PIEZO2: variants seen among roughly 807,000 people sequenced by gnomAD.
The protein encoded by PIEZO2 is piezo-type mechanosensitive ion channel component 2.
In PIEZO2, 172 loss-of-function variants were observed where a neutral mutation model predicts 337.3. That is an observed-to-expected ratio of 0.51 (90% confidence interval 0.45 to 0.58). PIEZO2 has a LOEUF of 0.58. Among genes scored for constraint, PIEZO2 ranks in the 20% least tolerant of loss-of-function variants. PIEZO2 has a pLI of 0.00. For synonymous variants in PIEZO2, 1,251 were observed against 1,228.5 expected, an observed-to-expected ratio of 1.02 and a Z score of -0.38; for missense variants, 3,028 against 3,391.3, an observed-to-expected ratio of 0.89 and a Z score of 2.66.
Position 10,888,098 on chromosome 18 carries a change from G to C in PIEZO2, c.330-16683C>G, listed in dbSNP as rs939589529. Reference sequence around the variant, plus strand: ...GCCTGTATTAACTGTCATGATGGCTGCCTAATGGTGGTCATTGATGCCCCT... The same window carrying C: ...GCCTGTATTAACTGTCATGATGGCTCCCTAATGGTGGTCATTGATGCCCCT... On this transcript the variant is annotated intron_variant, in intron 4 of 55. Transcript: ENST00000674853. The surrounding 1 kb of genome is among the most constrained non-coding windows in gnomAD (Gnocchi z 4.1). 8.5e-5 allele frequency among the ~76,000 whole-genome samples: 13 copies of C among 152,208 alleles called. No homozygotes were observed. The highest frequency in any genetic ancestry group is 1.6e-4 in the Non-Finnish European group (11 of 68,048).
In PIEZO2 at chr18:10,704,668, A is replaced by G; in HGVS notation, c.6000-16T>C. 1 of 1,530,888 alleles carries G rather than the reference A, an allele frequency of 6.5e-7. No homozygotes were observed. Among genetic ancestry groups the G allele is most frequent in the South Asian group, 1.2e-5 (1 of 83,764 alleles). The allele number at this position is 1,530,888 out of a possible 1,614,324, so 94.8% of individuals were successfully genotyped here. A position where few individuals can be genotyped will look rare whatever the true frequency, so the allele number is the denominator to read the frequency against. On this transcript the variant is annotated splice_polypyrimidine_tract_variant and intron_variant, in intron 41 of 55. Transcript: ENST00000674853. ...GTGAAACATCCTGTTAAAGCAAACC[A>G]CATGATAATATGTCTATTTTTTTTC...
Position 10,781,008 on chromosome 18 carries a change from T to C in PIEZO2, c.2493-642A>G, listed in dbSNP as rs958328150. The stretch of plus-strand genomic sequence containing the variant: ...TAAAATATAATTTAAAAAATTAATT[T>C]TTGCTGCTACCCCAGAATTAAAAAA... On this transcript the variant is annotated intron_variant, in intron 17 of 55. Transcript: ENST00000674853. The surrounding 1 kb of genome is among the most constrained non-coding windows in gnomAD (Gnocchi z 4.1). Among the ~76,000 whole-genome samples, 1 of 151,564 alleles carries C rather than the reference T, an allele frequency of 6.6e-6. No individual in the cohort carries two copies. Among genetic ancestry groups the C allele is most frequent in the Non-Finnish European group, 1.5e-5 (1 of 67,944 alleles).
chr18:10,958,764 C>T (rs1008521220), intron 3 of PIEZO2, among the ~76,000 whole-genome samples: 5 of 152,130 alleles, frequency 3.3e-5, no homozygotes, highest in Non-Finnish European at 5.9e-5. Flanking sequence ...TCATGTACTT[C>T]GGGCAACCCA....
intron 17 of PIEZO2, among the ~76,000 whole-genome samples, chr18:10,780,669 C>CTTTTT (rs11392739): frequency 1.5e-5 from 2 of 131,360 alleles, no homozygotes; most frequent in Admixed American, 8.2e-5. Flanking sequence ...TTTAAGGTAC[C>CTTTTT]TTTTTTTTTT....
intron 4 of PIEZO2, among the ~76,000 whole-genome samples, chr18:10,905,214 T>G (rs935978679): frequency 2.0e-5 from 3 of 152,156 alleles, no homozygotes; most frequent in African/African-American, 7.2e-5. Context: ...AAATCTAACA[T>G]AAGAACAGGG....
At chr18:11,073,369 G>GT (rs2038414358) in intron 1 of PIEZO2, among the ~76,000 whole-genome samples, 1 of 152,172 alleles carries the variant, frequency 6.6e-6, no homozygotes, top group Admixed American at 6.5e-5. Flanking sequence ...CTACAAAAGG[G>GT]TTAAGGCTTG....
In PIEZO2 at chr18:10,724,867, T is replaced by C; in HGVS notation, c.5029+6540A>G. On this transcript the variant is annotated intron_variant, in intron 36 of 55. Coordinates refer to ENST00000674853, the MANE Select transcript of PIEZO2 (RefSeq NM_001378183.1). This position sits in a 1 kb window ranked among gnomAD's most constrained non-coding sequence, Gnocchi z 5.8. ...CCACATGCGTCGCAGTGAGAGCACC[T>C]ACTCTGTAAATAGTACTGGCCGGCG... 7 of 1,608,712 alleles carry C rather than the reference T, an allele frequency of 4.4e-6. No individual in the cohort carries two copies. Among genetic ancestry groups the C allele is most frequent in the Non-Finnish European group, 5.9e-6 (7 of 1,177,764 alleles).
chr18:10,729,406 A>G (rs145292748), intron 36 of PIEZO2, among the ~76,000 whole-genome samples: 2 of 152,270 alleles, frequency 1.3e-5, no homozygotes, highest in African/African-American at 4.8e-5. Context: ...TGGACGGATC[A>G]CTTGAGGTCA....
At chr18:10,743,741 C>G (rs2037315462) in intron 31 of PIEZO2, among the ~76,000 whole-genome samples, 1 of 152,172 alleles carries the variant, frequency 6.6e-6, no homozygotes, top group African/African-American at 2.4e-5. Context: ...TGGCACTGAG[C>G]AAGACCTTGT....
chr18:10,671,902 A>C, intron 55 of PIEZO2, 123 bp from the exon 56 acceptor site: 1 of 906,706 alleles, frequency 1.1e-6, no homozygotes, highest in Non-Finnish European at 1.6e-6. Flanking sequence ...AGCAAATCAA[A>C]TCTTACATTT....
At position 11,116,899 on chromosome 18, in the gene PIEZO2, AG is replaced by A. The variant is rs2039907260; in HGVS notation, c.64+31625del. Among the ~76,000 whole-genome samples, 1 of 152,162 alleles carries A rather than the reference AG, an allele frequency of 6.6e-6. No individual in the cohort carries two copies. Among genetic ancestry groups the A allele is most frequent in the Admixed American group, 6.5e-5 (1 of 15,282 alleles). ...CAAGGCAGGAGGATCACTTGAGGTC[AG>A]GGGTTCAAAACCAGCCTGACCAACA... On this transcript the variant is annotated intron_variant, in intron 1 of 55. Coordinates refer to ENST00000674853, the MANE Select transcript of PIEZO2 (RefSeq NM_001378183.1). The surrounding 1 kb of genome is among the most constrained non-coding windows in gnomAD (Gnocchi z 5.0).
chr18:10,745,959 T>C (rs1172068535), intron 30 of PIEZO2, among the ~76,000 whole-genome samples: 1 of 152,212 alleles, frequency 6.6e-6, no homozygotes. Context: ...TAAGCCAGAA[T>C]CCTGGGCACA....
At chr18:10,927,214 T>C (rs900610653) in intron 3 of PIEZO2, among the ~76,000 whole-genome samples, 1 of 152,204 alleles carries the variant, frequency 6.6e-6, no homozygotes, top group Non-Finnish European at 1.5e-5. Context: ...AGGGTTTTGC[T>C]TTTCTTTTTC....
intron 2 of PIEZO2, among the ~76,000 whole-genome samples, chr18:11,039,492 G>C (rs2037039367): frequency 6.6e-6 from 1 of 152,058 alleles, no homozygotes; most frequent in African/African-American, 2.4e-5. Context: ...GTGCTCTCCT[G>C]TCAAACATTC....
At chr18:10,786,840 A>G (rs1294493405) in intron 16 of PIEZO2, among the ~76,000 whole-genome samples, 196 bp downstream of exon 16, 1 of 147,806 alleles carries the variant, frequency 6.8e-6, no homozygotes, top group African/African-American at 2.5e-5. Context: ...CTGAAAATTC[A>G]TGGAGTGCCT....
At chr18:10,801,879 G>A (rs2039828818) in intron 9 of PIEZO2, among the ~76,000 whole-genome samples, 2 of 152,026 alleles carry the variant, frequency 1.3e-5, no homozygotes, top group African/African-American at 2.4e-5. Context: ...GAGGCCAGGG[G>A]ATCGAGACCA....
Position 10,800,454 on chromosome 18 carries a change from C to G in PIEZO2, c.1261G>C (p.Gly421Arg), listed in dbSNP as rs202104395. The G allele has an allele frequency of 1.5e-3, 2,303 of 1,534,090 alleles. 6 individuals carry two copies. Among genetic ancestry groups the G allele is most frequent in the Non-Finnish European group, 1.6e-3 (1,857 of 1,145,662 alleles). The change falls in exon 11 of 56, where the codon GGC (glycine) becomes CGC (arginine). Residue 421 changes from glycine to arginine, a missense_variant. Physicochemically the swap from Gly to Arg is moderately radical, Grantham distance 125. Around this residue, in one of 5 missense-constraint regions of PIEZO2, gnomAD observed 542 missense variants for 605.6 expected, o/e 0.89. Coordinates refer to ENST00000674853, the MANE Select transcript of PIEZO2 (RefSeq NM_001378183.1). Reference protein sequence around the residue: ...PSDGLLVTVNGNPVDYHTIHP... With the variant: ...PSDGLLVTVNRNPVDYHTIHP... ...ATGGTGTGGTAATCCACGGGGTTGCCGTTCACAGTCACCAGCAGGCCCTGC... is the reference window on the plus strand; with the variant it reads ...ATGGTGTGGTAATCCACGGGGTTGCGGTTCACAGTCACCAGCAGGCCCTGC...
chr18:11,136,409 T>A (rs537067923), intron 1 of PIEZO2, among the ~76,000 whole-genome samples: 1 of 152,346 alleles, frequency 6.6e-6, no homozygotes, highest in African/African-American at 2.4e-5. Flanking sequence ...CTCACTGCCT[T>A]GTAATCTGAC....
chr18:10,955,105 T>G (rs777860239), intron 3 of PIEZO2, among the ~76,000 whole-genome samples: 9 of 151,806 alleles, frequency 5.9e-5, no homozygotes, highest in Non-Finnish European at 1.2e-4. Flanking sequence ...GATGTGGGGG[T>G]CGCTTTACTT....
Sources: allele counts gnomAD v4.1 joint callset (sites outside exome capture counted in the v4.1 genomes callset), GRCh38; gene constraint gnomAD v4.1.1; regional missense constraint gnomAD v4.1.1; non-coding constraint Gnocchi (gnomAD v3.1); transcripts MANE v1.5; gene names NCBI Gene and HGNC (gene_info 2026-07-23, HGNC 2026-07-21).